Variants in GMDS observed in about 807,000 individuals in gnomAD.
GMDS encodes the protein GDP-mannose 4,6 dehydratase.
Under a neutral mutation model 49.9 loss-of-function variants are expected in GMDS, and 20 were observed. The ratio of observed to expected loss-of-function variants is 0.40; its 90% CI spans 0.28 to 0.58. GMDS has a LOEUF of 0.58. GMDS is among the 20% of genes least tolerant of loss of function. The probability of loss-of-function intolerance (pLI) is 0.42; values close to 1 mark genes in which losing one functional copy is unlikely to be tolerated. For synonymous variants in GMDS, 177 were observed against 178.6 expected, an observed-to-expected ratio of 0.99 and a Z score of 0.07; for missense variants, 362 against 481.4, an observed-to-expected ratio of 0.75 and a Z score of 2.32.
At chr6:1,874,615 C>T (rs951936615) in intron 7 of GMDS, among the ~76,000 whole-genome samples, 1 of 152,028 alleles carries the variant, frequency 6.6e-6, no homozygotes, top group Non-Finnish European at 1.5e-5. Flanking sequence ...ATGTCAGTAA[C>T]CCTTTAAAAA....
At chr6:1,907,698 C>T (rs1354151470) in intron 7 of GMDS, among the ~76,000 whole-genome samples, 1 of 152,176 alleles carries the variant, frequency 6.6e-6, no homozygotes, top group Non-Finnish European at 1.5e-5. Flanking sequence ...AGCCTGCTTC[C>T]ATGGGAGGCA....
At chr6:1,718,093 T>A (rs1766234835) in intron 9 of GMDS, among the ~76,000 whole-genome samples, 1 of 152,174 alleles carries the variant, frequency 6.6e-6, no homozygotes, top group Admixed American at 6.5e-5. Flanking sequence ...ACTTACCTCC[T>A]GGAATTCGAA....
At chr6:1,964,696 T>A (rs1764161348) in intron 4 of GMDS, among the ~76,000 whole-genome samples, 1 of 152,206 alleles carries the variant, frequency 6.6e-6, no homozygotes, top group African/African-American at 2.4e-5. Context: ...AATTTTTTTA[T>A]TATACTTTAA....
intron 6 of GMDS, among the ~76,000 whole-genome samples, chr6:1,946,638 T>G (rs1036925430): frequency 6.6e-6 from 1 of 152,162 alleles, no homozygotes; most frequent in Admixed American, 6.5e-5. Flanking sequence ...CAGATGCACT[T>G]AGAATTCAGC....
rs557797621 is a variant in GMDS, at chr6:1,890,304, G to A, written c.771+39799C>T. 7.9e-5 allele frequency among the ~76,000 whole-genome samples: 12 copies of A among 152,228 alleles called. No homozygotes were observed. The South Asian group carries it at 1.0e-3, about 13-fold the overall frequency. On this transcript the variant is annotated intron_variant, in intron 7 of 10. Coordinates refer to ENST00000380815, the MANE Select transcript of GMDS (RefSeq NM_001500.4). ...GTGGTATTTCCCTGTGGTTTTGAGC[G>A]GCATTTCCTTAATGACTAATGGTGC...
chr6:1,706,857 T>C (rs1765758247), intron 9 of GMDS, among the ~76,000 whole-genome samples: 1 of 152,226 alleles, frequency 6.6e-6, no homozygotes, highest in Non-Finnish European at 1.5e-5. Context: ...TGGTGGCATT[T>C]GGAAGGACTG....
Position 2,113,460 on chromosome 6 carries a change from A to C in GMDS, c.345+2311T>G, listed in dbSNP as rs112431765. Among the ~76,000 whole-genome samples, 505 of 148,706 alleles carry C rather than the reference A, an allele frequency of 3.4e-3. 2 individuals are homozygous for C. The highest frequency in any genetic ancestry group is 0.01 in the African/African-American group (408 of 40,310). On this transcript the variant is annotated intron_variant, in intron 4 of 10. Coordinates refer to ENST00000380815, the MANE Select transcript of GMDS (RefSeq NM_001500.4). ...AGCTTCCTACCTGACCTTACCTCAC[A>C]CTTCTCCTCATACTGGTTCTGCTCA... is the stretch of plus-strand genomic sequence containing the variant.
chr6:2,091,932 C>G (rs1773341063), intron 4 of GMDS, among the ~76,000 whole-genome samples: 1 of 151,746 alleles, frequency 6.6e-6, no homozygotes, highest in Non-Finnish European at 1.5e-5. Context: ...AGTTACAGAC[C>G]ATGAATCTAC....
intron 1 of GMDS, among the ~76,000 whole-genome samples, chr6:2,207,778 C>T (rs1779870010): frequency 6.6e-6 from 1 of 151,872 alleles, no homozygotes; most frequent in African/African-American, 2.4e-5. Context: ...TACAGTCCTG[C>T]CCATTTGAAG....
chr6:2,131,596 T>C (rs1775741605), intron 1 of GMDS, among the ~76,000 whole-genome samples: 1 of 152,094 alleles, frequency 6.6e-6, no homozygotes, highest in African/African-American at 2.4e-5. Flanking sequence ...AAAATGTACT[T>C]TTGATATTTT....
intron 6 of GMDS, among the ~76,000 whole-genome samples, chr6:1,955,874 G>T (rs571885562): frequency 6.6e-6 from 1 of 152,120 alleles, no homozygotes; most frequent in Admixed American, 6.5e-5. Flanking sequence ...CAGGAGTTGT[G>T]GTTGTTGGAC....
chr6:2,232,153 C>T (rs60913961), intron 1 of GMDS, among the ~76,000 whole-genome samples: 1,379 of 99,532 alleles, frequency 0.014, 22 homozygotes, highest in African/African-American at 0.083. Flanking sequence ...GTGTGTAAAA[C>T]GGGTTTTTTT....
chr6:1,923,177 T>C (rs1182365397), intron 7 of GMDS, among the ~76,000 whole-genome samples: 1 of 152,176 alleles, frequency 6.6e-6, no homozygotes, highest in African/African-American at 2.4e-5. Flanking sequence ...AGTATGTCTT[T>C]ATCAGCAGCA....
intron 1 of GMDS, among the ~76,000 whole-genome samples, chr6:2,202,649 G>A (rs1319786129): frequency 6.6e-6 from 1 of 152,246 alleles, no homozygotes; most frequent in African/African-American, 2.4e-5. Context: ...GACTGGCCTC[G>A]TGGCCTATGT....
At chr6:1,991,459 C>G (rs1281204019) in intron 4 of GMDS, among the ~76,000 whole-genome samples, 5 of 152,182 alleles carry the variant, frequency 3.3e-5, no homozygotes, top group Non-Finnish European at 7.3e-5. Context: ...TTCTTTACCA[C>G]CAGTAACCGC....
chr6:1,632,087 C>A (rs780886783), intron 9 of GMDS, among the ~76,000 whole-genome samples: 5 of 152,136 alleles, frequency 3.3e-5, no homozygotes, highest in African/African-American at 1.2e-4. Flanking sequence ...AGTCCTATAC[C>A]GAAATGTATC....
At chr6:1,767,200 C>T (rs973404621) in intron 7 of GMDS, among the ~76,000 whole-genome samples, 3 of 152,080 alleles carry the variant, frequency 2.0e-5, no homozygotes, top group African/African-American at 7.2e-5. Flanking sequence ...TTCCACCCAC[C>T]ACCCCCCCAA....
At chr6:2,016,101 A>AAC (rs1397481113) in intron 4 of GMDS, among the ~76,000 whole-genome samples, 180 of 149,654 alleles carry the variant, frequency 1.2e-3, no homozygotes, top group Non-Finnish European at 1.8e-3. Flanking sequence ...AAAAAAAAAA[A>AAC]CAGAAAAATT....
chr6:1,847,573 C>G (rs1757466286), intron 7 of GMDS, among the ~76,000 whole-genome samples: 1 of 152,150 alleles, frequency 6.6e-6, no homozygotes, highest in African/African-American at 2.4e-5. Flanking sequence ...CTCTCCACAC[C>G]AATACCAACC....
Sources: allele counts gnomAD v4.1 joint callset (sites outside exome capture counted in the v4.1 genomes callset), GRCh38; gene constraint gnomAD v4.1.1; transcripts MANE v1.5; gene names NCBI Gene and HGNC (gene_info 2026-07-23, HGNC 2026-07-21).